The following CARMIL3 variants were observed in gnomAD, a reference collection of about 807,000 sequenced individuals.
CARMIL3 encodes capping protein regulator and myosin 1 linker 3, also known as capping protein, Arp2/3 and myosin-I linker protein 3.
Under a neutral mutation model 180.8 loss-of-function variants are expected in CARMIL3, and 88 were observed. The observed-to-expected ratio is 0.49, with a 90% CI of 0.41 to 0.58. CARMIL3 has a LOEUF of 0.58. Ranked by LOEUF, CARMIL3 falls within the 20% of genes least tolerant of loss-of-function variation. The pLI, the probability that CARMIL3 is intolerant of heterozygous loss-of-function variation, is 0.00. For missense variants in CARMIL3, 1,548 were observed against 1,787.0 expected (o/e 0.87, Z 2.41); for synonymous variants, 696 against 714.5 (o/e 0.97, Z 0.41).
At position 24,056,900 on chromosome 14, in the gene CARMIL3, G is replaced by C. The variant is rs766634239; in HGVS notation, c.953-15G>C. 2.5e-6 allele frequency: 4 copies of C among 1,613,470 alleles called. 1 individual carries two copies. In the South Asian group the frequency reaches 3.3e-5, roughly 13 times the overall value. ...GGGCTAGGGGCCAACCCAGCCCAGT[G>C]CCCGCTGTGCTCAGGGCTCCAGGCA... On this transcript the variant is annotated splice_polypyrimidine_tract_variant and intron_variant, in intron 12 of 39. Transcript: ENST00000342740.
In CARMIL3 at chr14:24,055,073, C is replaced by A; in HGVS notation, c.468C>A (p.Phe156Leu). 1 of 1,613,370 alleles carries A rather than the reference C, an allele frequency of 6.2e-7. No individual in the cohort carries two copies. The highest frequency in any genetic ancestry group is 8.5e-7 in the Non-Finnish European group (1 of 1,179,978). ...CTATCTCCTGCCCCACAGGTGGCTT[C>A]TCTGAGACCTACGCTGCTCTGTGTG... ...TSTTHSVCGG[F>L]SETYAALCDY... The change falls in exon 7 of 40, where the codon TTC (phenylalanine) becomes TTA (leucine). Residue 156 changes from phenylalanine to leucine, a missense_variant. Phe to Leu is a conservative substitution (Grantham distance 22). Around this residue, in one of 4 missense-constraint regions of CARMIL3, gnomAD observed 578 missense variants for 666.5 expected, o/e 0.87. Transcript: ENST00000342740.
At position 24,068,602 on chromosome 14, in the gene CARMIL3, A is replaced by G. The variant is rs573239044; in HGVS notation, c.3701A>G (p.Asn1234Ser). 2.5e-6 allele frequency: 4 copies of G among 1,613,162 alleles called. No individual in the cohort carries two copies. Among genetic ancestry groups the G allele is most frequent in the African/African-American group, 2.7e-5 (2 of 74,962 alleles). The part of the protein sequence containing the change: ...TWHIAEESAP[N>S]HSCQSPSPAS... The stretch of plus-strand genomic sequence containing the variant: ...TCCCCAGCTGAAGAGAGTGCCCCCA[A>G]CCACAGCTGCCAGAGTCCCAGCCCA... Residue 1234 changes from asparagine to serine, a missense_variant, in exon 37 of 40, where the codon AAC becomes AGC. Transcript: ENST00000342740.
chr14:24,061,867 G>A lies in CARMIL3; in HGVS notation c.2480+195G>A, dbSNP rs1000518143. 1.5e-6 allele frequency: 1 copy of A among 649,428 alleles called. No individual in the cohort carries two copies. The allele number at this position is 649,428 out of a possible 1,614,324, so 40.2% of individuals were successfully genotyped here. A position where few individuals can be genotyped will look rare whatever the true frequency, so the allele number is the denominator to read the frequency against. Reference sequence around the variant, plus strand: ...CCTAGAAATCTAAGTGCTGAGCTGGGGTTTAGGAGCCAAGTTTGTGCCCAC... The same window carrying A: ...CCTAGAAATCTAAGTGCTGAGCTGGAGTTTAGGAGCCAAGTTTGTGCCCAC... On this transcript the variant is annotated intron_variant, in intron 27 of 39. Coordinates refer to ENST00000342740, the MANE Select transcript of CARMIL3 (RefSeq NM_138360.4). This position sits in a 1 kb window ranked among gnomAD's most constrained non-coding sequence, Gnocchi z 4.1.
Position 24,061,407 on chromosome 14 carries a change from G to C in CARMIL3, c.2305-90G>C. ...GGCAGGTCCCTCAGTCTCAGCAGGA[G>C]GGGCTGGAATAGATAAAGTCTCTTC... On this transcript the variant is annotated intron_variant, in intron 26 of 39. Coordinates refer to ENST00000342740, the MANE Select transcript of CARMIL3 (RefSeq NM_138360.4). The surrounding 1 kb of genome is among the most constrained non-coding windows in gnomAD (Gnocchi z 4.1). The C allele has an allele frequency of 7.4e-7, 1 of 1,348,590 alleles. No homozygotes were observed. The highest frequency in any genetic ancestry group is 1.0e-6 in the Non-Finnish European group (1 of 988,346). The allele number at this position is 1,348,590 out of a possible 1,614,324, so 83.5% of individuals were successfully genotyped here. A position where few individuals can be genotyped will look rare whatever the true frequency, so the allele number is the denominator to read the frequency against.
rs866711821 is a variant in CARMIL3 at position 24,056,471 on chromosome 14, A to G, written c.865+78A>G. ...GCCCAGAGCCCAACCAGGTCTGAAC[A>G]GCAGCTCTCCAGCCTGATTCCAGCC... On this transcript the variant is annotated intron_variant, in intron 11 of 39. Transcript: ENST00000342740. 1.1e-5 allele frequency: 17 copies of G among 1,507,904 alleles called. No homozygotes were observed. In the Middle Eastern group the frequency reaches 8.5e-4, roughly 76 times the overall value. 93.4% of individuals were successfully genotyped at this position (1,507,904 alleles called of 1,614,324 possible).
chr14:24,061,523 G>T lies in CARMIL3; in HGVS notation c.2331G>T (p.Leu777=). ...TGATCCTGGAGTCCATGGTCAGCCTGACACAGGAGTTATGCCCTGTGGCCA... is the reference window on the plus strand; with the variant it reads ...TGATCCTGGAGTCCATGGTCAGCCTTACACAGGAGTTATGCCCTGTGGCCA... The part of the protein sequence containing the change: ...LQVILESMVS[L]TQELCPVAMR... Residue 777 remains leucine, a synonymous_variant, in exon 27 of 40, where the codon CTG becomes CTT. Coordinates refer to ENST00000342740, the MANE Select transcript of CARMIL3 (RefSeq NM_138360.4). The surrounding 1 kb of genome is among the most constrained non-coding windows in gnomAD (Gnocchi z 4.1). 6 of 1,613,910 alleles carry T rather than the reference G, an allele frequency of 3.7e-6. No homozygotes were observed. The highest frequency in any genetic ancestry group is 5.1e-6 in the Non-Finnish European group (6 of 1,179,860).
Position 24,058,131 on chromosome 14 carries a change from G to C in CARMIL3, c.1323-24G>C. On this transcript the variant is annotated intron_variant, in intron 16 of 39. Transcript: ENST00000342740. This position sits in a 1 kb window ranked among gnomAD's most constrained non-coding sequence, Gnocchi z 6.4. The stretch of plus-strand genomic sequence containing the variant: ...CGGGGAGCGGGAAGAGGTAAAGGAG[G>C]GCCTGCTGACCTCCCTCCCACAGGG... 6.2e-7 allele frequency: 1 copy of C among 1,613,744 alleles called. No homozygotes were observed. The highest frequency in any genetic ancestry group is 8.5e-7 in the Non-Finnish European group (1 of 1,179,960).
rs1436950197 is a variant in CARMIL3 at position 24,059,871 on chromosome 14, A to G, written c.1869-99A>G. On this transcript the variant is annotated intron_variant, in intron 22 of 39. Coordinates refer to ENST00000342740, the MANE Select transcript of CARMIL3 (RefSeq NM_138360.4). This position sits in a 1 kb window ranked among gnomAD's most constrained non-coding sequence, Gnocchi z 6.3. ...TTAGGAAGGGCCATGGAAGACAGAA[A>G]TGATGAGCAAGGGGGCTGGAGGGCT... 6.5e-6 allele frequency: 10 copies of G among 1,535,942 alleles called. No individual in the cohort carries two copies. The East Asian group carries it at 1.4e-4, about 21-fold the overall frequency.
Position 24,054,113 on chromosome 14 carries a change from T to G in CARMIL3, c.161T>G (p.Leu54Arg). The G allele has an allele frequency of 6.2e-7, 1 of 1,614,066 alleles. No individual in the cohort carries two copies. Among genetic ancestry groups the G allele is most frequent in the East Asian group, 2.2e-5 (1 of 44,874 alleles). The change falls in exon 3 of 40, where the codon CTC (leucine) becomes CGC (arginine). Residue 54 changes from leucine to arginine, a missense_variant. This residue lies in a region of CARMIL3 where 578 missense variants were observed against 666.5 expected (regional missense o/e 0.87). Transcript: ENST00000342740. This position sits in a 1 kb window ranked among gnomAD's most constrained non-coding sequence, Gnocchi z 5.1. Reference sequence around the variant, plus strand: ...GCCCTGACCTCCTGGCGCCTCCACCTCTTCCTCCTTAAAGTCCCGGCCAAG... The same window carrying G: ...GCCCTGACCTCCTGGCGCCTCCACCGCTTCCTCCTTAAAGTCCCGGCCAAG... ...VLALTSWRLH[L>R]FLLKVPAKVE...
rs768366231 is a variant in CARMIL3 at position 24,061,719 on chromosome 14, A to G, written c.2480+47A>G. ...TGGGGCTGAGCTGGATTTGGCCCAG[A>G]TCACTTAGGGACTTAGGACTGGAGA... is the stretch of plus-strand genomic sequence containing the variant. On this transcript the variant is annotated intron_variant, in intron 27 of 39. Coordinates refer to ENST00000342740, the MANE Select transcript of CARMIL3 (RefSeq NM_138360.4). The surrounding 1 kb of genome is among the most constrained non-coding windows in gnomAD (Gnocchi z 4.1). 4 of 1,584,696 alleles carry G rather than the reference A, an allele frequency of 2.5e-6. No homozygotes were observed. Among genetic ancestry groups the G allele is most frequent in the Non-Finnish European group, 3.4e-6 (4 of 1,160,442 alleles).
At position 24,068,581 on chromosome 14, in the gene CARMIL3, C is replaced by G; in HGVS notation, c.3683-3C>G. ...TGCAGCTTCTCCTCTCTCTCATCCCCAGCTGAAGAGAGTGCCCCCAACCAC... is the reference window on the plus strand; with the variant it reads ...TGCAGCTTCTCCTCTCTCTCATCCCGAGCTGAAGAGAGTGCCCCCAACCAC... On this transcript the variant is annotated splice_region_variant and splice_polypyrimidine_tract_variant and intron_variant, in intron 36 of 39. Coordinates refer to ENST00000342740, the MANE Select transcript of CARMIL3 (RefSeq NM_138360.4). 1.9e-6 allele frequency: 3 copies of G among 1,606,398 alleles called. No homozygotes were observed. Among genetic ancestry groups the G allele is most frequent in the Non-Finnish European group, 2.6e-6 (3 of 1,175,084 alleles).
Position 24,057,181 on chromosome 14 carries a change from C to A in CARMIL3, c.1077C>A (p.Phe359Leu), listed in dbSNP as rs751489801. 1 of 1,614,052 alleles carries A rather than the reference C, an allele frequency of 6.2e-7. No homozygotes were observed. Among genetic ancestry groups the A allele is most frequent in the Non-Finnish European group, 8.5e-7 (1 of 1,179,950 alleles). Residue 359 changes from phenylalanine (F) to leucine (L), a missense_variant, in exon 14 of 40, where the codon TTC (phenylalanine) becomes TTA (leucine). Coordinates refer to ENST00000342740, the MANE Select transcript of CARMIL3 (RefSeq NM_138360.4). Reference protein sequence around the residue: ...ATDEANALYSFLAQPNALVHL... With the variant: ...ATDEANALYSLLAQPNALVHL... ...TCCTACTCCAGGCCCTCTACAGTTT[C>A]CTGGCCCAACCCAACGCCCTGGTGC...
chr14:24,057,129 A>G (rs2035679979), intron 13 of CARMIL3, 38 bp from the exon 14 acceptor site: 2 of 1,606,918 alleles, frequency 1.2e-6, no homozygotes, highest in African/African-American at 1.3e-5. Context: ...AGACTCCATC[A>G]TCCCTTCCCC....
In CARMIL3 at chr14:24,054,048, G is replaced by C. The variant is rs751707616; in HGVS notation, c.136-40G>C. On this transcript the variant is annotated intron_variant, in intron 2 of 39. Coordinates refer to ENST00000342740, the MANE Select transcript of CARMIL3 (RefSeq NM_138360.4). The surrounding 1 kb of genome is among the most constrained non-coding windows in gnomAD (Gnocchi z 5.1). ...AGGAGGGCAGGGCCACCAAGGCCCA[G>C]CAGCTGCCATGAGCTGCCGATTTTT... The C allele has an allele frequency of 1.2e-6, 2 of 1,610,868 alleles. No homozygotes were observed. Among genetic ancestry groups the C allele is most frequent in the Admixed American group, 3.3e-5 (2 of 60,002 alleles).
rs536039717 is a variant in CARMIL3, at chr14:24,057,112, G to T, written c.1063-55G>T. Reference sequence around the variant, plus strand: ...GGCCTTCTGCCCCATGGCCTCTGGGGGTGGCGAGACTCCATCATCCCTTCC... The same window carrying T: ...GGCCTTCTGCCCCATGGCCTCTGGGTGTGGCGAGACTCCATCATCCCTTCC... On this transcript the variant is annotated intron_variant, in intron 13 of 39. Coordinates refer to ENST00000342740, the MANE Select transcript of CARMIL3 (RefSeq NM_138360.4). 9.4e-6 allele frequency: 15 copies of T among 1,599,112 alleles called. No homozygotes were observed. In the South Asian group the frequency reaches 1.4e-4, roughly 15 times the overall value.
At chr14:24,064,004 G>A (rs2050418739) in intron 31 of CARMIL3, among the ~76,000 whole-genome samples, 2 of 150,914 alleles carry the variant, frequency 1.3e-5, no homozygotes, top group Non-Finnish European at 2.9e-5. Context: ...TGAGGCAGGA[G>A]AACTGCGTGA....
rs376797109 is a variant in CARMIL3, at chr14:24,055,822, A to G, written c.770+33A>G. ...CAGTCTCCTCCTTGGGCAGTAGTGC[A>G]CCCTTGATGTAGTTTTAGGGTCCCA... On this transcript the variant is annotated intron_variant, in intron 10 of 39. Coordinates refer to ENST00000342740, the MANE Select transcript of CARMIL3 (RefSeq NM_138360.4). 4 of 1,594,880 alleles carry G rather than the reference A, an allele frequency of 2.5e-6. No individual in the cohort carries two copies. In the African/African-American group the frequency reaches 4.0e-5, roughly 16 times the overall value.
Position 24,069,246 on chromosome 14 carries a change from A to G in CARMIL3, c.4092A>G (p.Thr1364=). 6.2e-7 allele frequency: 1 copy of G among 1,613,978 alleles called. No individual in the cohort carries two copies. The highest frequency in any genetic ancestry group is 1.1e-5 in the South Asian group (1 of 91,064). The change falls in exon 39 of 40, where the codon ACA becomes ACG. Residue 1364 remains threonine, a splice_region_variant and synonymous_variant. Transcript: ENST00000342740. The part of the protein sequence containing the change: ...EPDRRRPPDP[T]GTSEPGTD ...ATAGAAGACGGCCTCCTGACCCCAC[A>G]GGTGCTGGTGGTGAGAGGGCAGGTC...
chr14:24,059,587 C>G lies in CARMIL3; in HGVS notation c.1800-77C>G. The G allele has an allele frequency of 3.2e-6, 5 of 1,567,890 alleles. No homozygotes were observed. In the South Asian group the frequency reaches 4.6e-5, roughly 14 times the overall value. ...CCATCTCTGAGTCAGCCTTATTGCC[C>G]CAAGAGGTTTGTGTCCCTGGCCCCT... On this transcript the variant is annotated intron_variant, in intron 21 of 39. Coordinates refer to ENST00000342740, the MANE Select transcript of CARMIL3 (RefSeq NM_138360.4). The surrounding 1 kb of genome is among the most constrained non-coding windows in gnomAD (Gnocchi z 6.3).
Sources: gnomAD v4.1 joint callset for allele counts (sites outside exome capture counted in the v4.1 genomes callset) on GRCh38, gnomAD v4.1.1 for gene constraint, gnomAD v4.1.1 regional missense constraint, Gnocchi (gnomAD v3.1) non-coding constraint, MANE v1.5 for transcripts, NCBI Gene and HGNC (gene_info 2026-07-23, HGNC 2026-07-21) for gene names.